Variants in GRAMD4 observed in about 807,000 individuals in gnomAD.
GRAMD4 encodes the protein GRAM domain containing 4.
Under a neutral mutation model 83.9 loss-of-function variants are expected in GRAMD4, and 25 were observed. That is an observed-to-expected ratio of 0.30 (90% CI 0.22 to 0.42). GRAMD4 has a LOEUF of 0.42. GRAMD4 is among the 10% of genes least tolerant of loss of function. The pLI is 1.00. For synonymous variants in GRAMD4, 336 were observed against 320.9 expected (o/e 1.05, Z -0.50); for missense variants, 593 against 788.7 (o/e 0.75, Z 2.97).
intron 1 of GRAMD4, among the ~76,000 whole-genome samples, chr22:46,614,995 CCG>C (rs2081460779): frequency 7.8e-6 from 1 of 128,274 alleles, no homozygotes; most frequent in Non-Finnish European, 1.7e-5. Flanking sequence ...GTAGGTTCCC[CCG>C]TGTGTAGGTT....
chr22:46,679,265 G>T lies in GRAMD4; in HGVS notation c.*2014G>T. On this transcript the variant is annotated 3_prime_UTR_variant, in exon 19 of 19. Coordinates refer to ENST00000406902, the MANE Select transcript of GRAMD4 (RefSeq NM_015124.5). ...CGGGAGGGGTCCCTGGGGCAGATGGGGCTTTACCAGCGTCGGGTGGTTTAG... is the reference window on the plus strand; with the variant it reads ...CGGGAGGGGTCCCTGGGGCAGATGGTGCTTTACCAGCGTCGGGTGGTTTAG... 1.0e-6 allele frequency: 1 copy of T among 985,520 alleles called. No homozygotes were observed. The highest frequency in any genetic ancestry group is 1.2e-6 in the Non-Finnish European group (1 of 829,968). The allele number at this position is 985,520 out of a possible 1,614,324, so 61.0% of individuals were successfully genotyped here.
chr22:46,595,242 C>T (rs376737540), intron 1 of GRAMD4, among the ~76,000 whole-genome samples: 8 of 152,274 alleles, frequency 5.3e-5, no homozygotes, highest in East Asian at 3.9e-4. Context: ...GACCATGCGA[C>T]GCAGCGGGTC....
intron 3 of GRAMD4, among the ~76,000 whole-genome samples, chr22:46,646,304 A>T (rs1174816504): frequency 6.6e-6 from 1 of 152,188 alleles, no homozygotes; most frequent in African/African-American, 2.4e-5. Context: ...TGAGCCCCTG[A>T]TGCTCCCAGA....
At chr22:46,587,911 C>T (rs570168103) in intron 1 of GRAMD4, 10 of 985,348 alleles carry the variant, frequency 1.0e-5, no homozygotes, top group Non-Finnish European at 1.2e-5. Context: ...GGCTCCTGAT[C>T]CTCCCCGTCT....
intron 1 of GRAMD4, chr22:46,577,349 C>T: frequency 2.1e-6 from 2 of 971,000 alleles, no homozygotes; most frequent in Non-Finnish European, 2.4e-6. Context: ...GACCACTCTC[C>T]CTTTTGGGCT....
intron 2 of GRAMD4, among the ~76,000 whole-genome samples, chr22:46,630,315 C>G (rs374314361): frequency 6.6e-6 from 1 of 152,174 alleles, no homozygotes; most frequent in Admixed American, 6.5e-5. Flanking sequence ...CGTGAGCCAC[C>G]GCGCCCGACC....
chr22:46,658,937 G>T (rs2147330746), intron 4 of GRAMD4, among the ~76,000 whole-genome samples: 1 of 152,160 alleles, frequency 6.6e-6, no homozygotes, highest in African/African-American at 2.4e-5. Context: ...AGTGCTCACA[G>T]TCTCCTCCCT....
chr22:46,662,040 T>C (rs1368518903), intron 5 of GRAMD4, among the ~76,000 whole-genome samples: 2 of 152,226 alleles, frequency 1.3e-5, no homozygotes, highest in Non-Finnish European at 2.9e-5. Flanking sequence ...CATGAGAACG[T>C]AATATAAACC....
In GRAMD4 at chr22:46,622,912, T is replaced by TA. The variant is rs1244826706; in HGVS notation, c.-50+2366dup. Reference sequence around the variant, plus strand: ...GGGCGACAGAGCAAGACTCCATCTCTAAAAAAAAAAAAAAAAAAACTGATG... The same window carrying TA: ...GGGCGACAGAGCAAGACTCCATCTCTAAAAAAAAAAAAAAAAAAAACTGATG... On this transcript the variant is annotated intron_variant, in intron 1 of 18. Coordinates refer to ENST00000406902, the MANE Select transcript of GRAMD4 (RefSeq NM_015124.5). The surrounding 1 kb of genome is among the most constrained non-coding windows in gnomAD (Gnocchi z 4.0). 0.012 allele frequency among the ~76,000 whole-genome samples: 1,286 copies of TA among 110,172 alleles called. 6 individuals are homozygous for TA. The highest frequency in any genetic ancestry group is 0.021 in the African/African-American group (566 of 27,144). 72.3% of individuals were successfully genotyped at this position (110,172 alleles called of 152,430 possible).
intron 1 of GRAMD4, among the ~76,000 whole-genome samples, chr22:46,598,943 C>G (rs868302554): frequency 2.6e-5 from 4 of 152,068 alleles, no homozygotes; most frequent in African/African-American, 9.7e-5. Context: ...ACCCAGAGGG[C>G]TAGGGTTGGG....
At chr22:46,676,929 G>A (rs2082607709) in intron 18 of GRAMD4, among the ~76,000 whole-genome samples, 1 of 152,270 alleles carries the variant, frequency 6.6e-6, no homozygotes. Context: ...TGGGAGGAGG[G>A]AGGCACGGGG....
intron 8 of GRAMD4, 116 bp from the exon 9 acceptor site, chr22:46,665,499 G>A: frequency 1.6e-6 from 1 of 623,726 alleles, no homozygotes; most frequent in Admixed American, 2.4e-5. Flanking sequence ...TGTCTGGAGA[G>A]CCAGCGGGTG....
intron 1 of GRAMD4, among the ~76,000 whole-genome samples, chr22:46,591,329 G>C (rs2081205615): frequency 2.0e-5 from 3 of 152,218 alleles, no homozygotes; most frequent in South Asian, 4.2e-4. Flanking sequence ...AACGGCCTGG[G>C]CAACATAGTG....
In GRAMD4 at chr22:46,605,885, C is replaced by T. The variant is rs1335399600; in HGVS notation, c.-49-20866C>T. The stretch of plus-strand genomic sequence containing the variant: ...CCGGTGCTGAGCATCTCTGCATGGG[C>T]TTATGGCCGGTGCTGAGCATCTCTG... On this transcript the variant is annotated intron_variant, in intron 1 of 1. Transcript: ENST00000431155. Among the ~76,000 whole-genome samples the T allele has an allele frequency of 5.5e-5, 8 of 146,474 alleles. No homozygotes were observed. In the South Asian group the frequency reaches 1.7e-3, roughly 32 times the overall value.
chr22:46,587,431 G>A (rs2081161601), intron 1 of GRAMD4, among the ~76,000 whole-genome samples: 1 of 152,022 alleles, frequency 6.6e-6, no homozygotes, highest in Non-Finnish European at 1.5e-5. Context: ...GCTCTGGGAG[G>A]CGGAGGCCGT....
chr22:46,595,239 C>T (rs141987364), intron 1 of GRAMD4, among the ~76,000 whole-genome samples: 23 of 152,258 alleles, frequency 1.5e-4, no homozygotes, highest in African/African-American at 5.1e-4. Context: ...AGAGACCATG[C>T]GACGCAGCGG....
chr22:46,670,025 C>T (rs552469552), intron 13 of GRAMD4, among the ~76,000 whole-genome samples: 3 of 152,352 alleles, frequency 2.0e-5, no homozygotes, highest in South Asian at 2.1e-4. Context: ...AGGTGGGACT[C>T]GCCTGAGCCC....
At chr22:46,658,344 G>T in intron 4 of GRAMD4, 37 bp downstream of exon 4, 14 of 1,547,058 alleles carry the variant, frequency 9.0e-6, no homozygotes, top group Non-Finnish European at 1.2e-5. Flanking sequence ...CCTGTGTGCG[G>T]CTGCCCCAAC....
At chr22:46,681,124 C>G (rs2082668682), downstream of GRAMD4, among the ~76,000 whole-genome samples, 1 of 151,872 alleles carries the variant, frequency 6.6e-6, no homozygotes, top group African/African-American at 2.4e-5. Context: ...TAACTTGGAA[C>G]AAGGCTCAGA....
Sources: allele counts gnomAD v4.1 joint callset (sites outside exome capture counted in the v4.1 genomes callset), GRCh38; gene constraint gnomAD v4.1.1; non-coding constraint Gnocchi (gnomAD v3.1); transcripts MANE v1.5; gene names NCBI Gene and HGNC (gene_info 2026-07-23, HGNC 2026-07-21).